HS6ST3: variants seen among roughly 807,000 people sequenced by gnomAD.
HS6ST3 encodes heparan-sulfate 6-O-sulfotransferase 3.
A neutral mutation model predicts 36.7 loss-of-function variants in HS6ST3; 12 were observed. That is an observed-to-expected ratio of 0.33 (90% CI 0.21 to 0.53). The LOEUF is 0.53. Among genes scored for constraint, HS6ST3 ranks in the 20% least tolerant of loss-of-function variants. The pLI is 0.95. For missense variants in HS6ST3, 584 were observed against 640.9 expected (o/e 0.91, Z 0.96); for synonymous variants, 240 against 257.5 (o/e 0.93, Z 0.65).
At chr13:96,532,540 G>T (rs1299722304) in intron 1 of HS6ST3, among the ~76,000 whole-genome samples, 1 of 152,184 alleles carries the variant, frequency 6.6e-6, no homozygotes, top group Non-Finnish European at 1.5e-5. Context: ...TTCTAAGCAG[G>T]ACTCAAAGAA....
chr13:96,547,432 A>C (rs746407356), intron 1 of HS6ST3, among the ~76,000 whole-genome samples: 1 of 152,162 alleles, frequency 6.6e-6, no homozygotes, highest in Non-Finnish European at 1.5e-5. Flanking sequence ...TACCATCAAT[A>C]ATATCTTTCA....
intron 1 of HS6ST3, among the ~76,000 whole-genome samples, chr13:96,258,375 C>T (rs942011275): frequency 2.0e-5 from 3 of 152,044 alleles, no homozygotes; most frequent in Non-Finnish European, 4.4e-5. Context: ...ACAACAACAA[C>T]AAAAACCCCA....
chr13:96,743,335 A>T (rs563686633), intron 1 of HS6ST3, among the ~76,000 whole-genome samples: 1 of 152,214 alleles, frequency 6.6e-6, no homozygotes, highest in South Asian at 2.1e-4. Flanking sequence ...GTGCTAAAAG[A>T]ATGTGAAGGA....
rs199590755 is a variant in HS6ST3 at position 96,417,041 on chromosome 13, C to T, written c.707+325472C>T. Among the ~76,000 whole-genome samples, 18 of 152,296 alleles carry T rather than the reference C, an allele frequency of 1.2e-4. No homozygotes were observed. The East Asian group carries it at 1.7e-3, about 15-fold the overall frequency. On this transcript the variant is annotated intron_variant, in intron 1 of 1. Transcript: ENST00000376705. ...CTGGGATTACAGGCGTGAGCCACCG[C>T]GCCCGGCCGGCATGGGGTAACTTTT...
intron 1 of HS6ST3, among the ~76,000 whole-genome samples, chr13:96,737,180 G>A (rs1876305215): frequency 6.6e-6 from 1 of 152,080 alleles, no homozygotes; most frequent in East Asian, 1.9e-4. Flanking sequence ...AAAATTGACA[G>A]TAAGTACAAA....
At chr13:96,129,790 A>G (rs1216907287) in intron 1 of HS6ST3, among the ~76,000 whole-genome samples, 1 of 152,170 alleles carries the variant, frequency 6.6e-6, no homozygotes, top group Non-Finnish European at 1.5e-5. Context: ...TGACCTTACA[A>G]AAAGGGGAAA....
At chr13:96,765,319 T>TA (rs1566448099) in intron 1 of HS6ST3, among the ~76,000 whole-genome samples, 2 of 151,750 alleles carry the variant, frequency 1.3e-5, no homozygotes, top group Non-Finnish European at 2.9e-5. Context: ...TGATCTGCCC[T>TA]CCTTGGCCTC....
At chr13:96,105,321 C>T (rs1275011634) in intron 1 of HS6ST3, among the ~76,000 whole-genome samples, 1 of 152,024 alleles carries the variant, frequency 6.6e-6, no homozygotes, top group African/African-American at 2.4e-5. Context: ...CTGTGAAACC[C>T]AGCAAAACCT....
At position 96,820,374 on chromosome 13, in the gene HS6ST3, G is replaced by A. The variant is rs564861446; in HGVS notation, c.708-12116G>A. Reference sequence around the variant, plus strand: ...TGAGGCTCTAATAATCATGGAGAAGGGAGAACGCTGAAGTGCGGAGTGTGT... The same window carrying A: ...TGAGGCTCTAATAATCATGGAGAAGAGAGAACGCTGAAGTGCGGAGTGTGT... On this transcript the variant is annotated intron_variant, in intron 1 of 1. Coordinates refer to ENST00000376705, the MANE Select transcript of HS6ST3 (RefSeq NM_153456.4). Among the ~76,000 whole-genome samples, 4 of 152,232 alleles carry A rather than the reference G, an allele frequency of 2.6e-5. No individual in the cohort carries two copies. The East Asian group carries it at 5.8e-4, about 22-fold the overall frequency.
intron 1 of HS6ST3, among the ~76,000 whole-genome samples, chr13:96,342,336 A>G (rs1298552989): frequency 6.6e-6 from 1 of 152,178 alleles, no homozygotes; most frequent in Non-Finnish European, 1.5e-5. Context: ...AGTTCCATGA[A>G]GGGTAAAATA....
chr13:96,542,342 A>G (rs903815367), intron 1 of HS6ST3, among the ~76,000 whole-genome samples: 4 of 152,208 alleles, frequency 2.6e-5, no homozygotes, highest in African/African-American at 7.2e-5. Flanking sequence ...GGGCAGTATG[A>G]TAATAGAGTC....
intron 1 of HS6ST3, among the ~76,000 whole-genome samples, chr13:96,737,863 G>A (rs1273251735): frequency 1.3e-5 from 2 of 152,008 alleles, no homozygotes; most frequent in African/African-American, 4.8e-5. Flanking sequence ...CCATCTTCAA[G>A]CCAGCAGTCA....
chr13:96,113,079 G>A (rs1169767054), intron 1 of HS6ST3, among the ~76,000 whole-genome samples: 1 of 152,096 alleles, frequency 6.6e-6, no homozygotes, highest in Non-Finnish European at 1.5e-5. Flanking sequence ...GGTGTGTGTG[G>A]TGTTCCTCCA....
intron 1 of HS6ST3, among the ~76,000 whole-genome samples, chr13:96,233,046 G>C (rs1448109421): frequency 1.3e-5 from 2 of 152,190 alleles, no homozygotes; most frequent in Non-Finnish European, 2.9e-5. Flanking sequence ...TTGAATGACA[G>C]TGCAGAAGAA....
chr13:96,134,811 C>T (rs1289936468), intron 1 of HS6ST3, among the ~76,000 whole-genome samples: 1 of 152,162 alleles, frequency 6.6e-6, no homozygotes, highest in East Asian at 1.9e-4. Flanking sequence ...ATGAAATCAT[C>T]ATGGATACCC....
intron 1 of HS6ST3, among the ~76,000 whole-genome samples, chr13:96,340,515 G>A (rs371227108): frequency 5.3e-5 from 8 of 152,352 alleles, no homozygotes; most frequent in East Asian, 1.9e-4. Flanking sequence ...TAGAGGGGGC[G>A]TTTGATCAGT....
chr13:96,467,901 A>G (rs2055822021), intron 1 of HS6ST3, among the ~76,000 whole-genome samples: 1 of 152,158 alleles, frequency 6.6e-6, no homozygotes, highest in Non-Finnish European at 1.5e-5. Context: ...ATTCAACTTC[A>G]GTGTGAAATA....
At position 96,304,001 on chromosome 13, in the gene HS6ST3, G is replaced by C. The variant is rs553484581; in HGVS notation, c.707+212432G>C. Among the ~76,000 whole-genome samples the C allele has an allele frequency of 1.2e-4, 19 of 152,192 alleles. No individual in the cohort carries two copies. In the South Asian group the frequency reaches 3.9e-3, roughly 32 times the overall value. ...TTACTAAAAATACAAAAATTAGCCA[G>C]GTGTGATGGTGTGCACCTGTAGTTC... On this transcript the variant is annotated intron_variant, in intron 1 of 1. Transcript: ENST00000376705.
intron 1 of HS6ST3, among the ~76,000 whole-genome samples, chr13:96,443,900 T>G (rs1177148911): frequency 6.6e-6 from 1 of 152,214 alleles, no homozygotes; most frequent in African/African-American, 2.4e-5. Context: ...GTCTTGATAT[T>G]GTCGGTCCTG....
Sources: allele counts gnomAD v4.1 joint callset (sites outside exome capture counted in the v4.1 genomes callset), GRCh38; gene constraint gnomAD v4.1.1; transcripts MANE v1.5; gene names NCBI Gene and HGNC (gene_info 2026-07-23, HGNC 2026-07-21).